Variants in PPP2R1A observed in about 807,000 individuals in gnomAD.
PPP2R1A encodes the protein protein phosphatase 2 scaffold subunit Aalpha, also known as serine/threonine-protein phosphatase 2A 65 kDa regulatory subunit A alpha isoform.
A neutral mutation model predicts 67.1 loss-of-function variants in PPP2R1A; 15 were observed. The ratio of observed to expected loss-of-function variants is 0.22; its 90% CI spans 0.15 to 0.34. The LOEUF is 0.34. Among genes scored for constraint, PPP2R1A ranks in the 10% least tolerant of loss-of-function variants. The probability of loss-of-function intolerance (pLI) is 1.00; values close to 1 mark genes in which losing one functional copy is unlikely to be tolerated. For synonymous variants in PPP2R1A, 337 were observed against 325.0 expected, an observed-to-expected ratio of 1.04 and a Z score of -0.40; for missense variants, 369 against 775.0, an observed-to-expected ratio of 0.48 and a Z score of 6.22.
chr19:52,214,470 T>G (rs1293287252), intron 6 of PPP2R1A, among the ~76,000 whole-genome samples: 1 of 152,160 alleles, frequency 6.6e-6, no homozygotes, highest in South Asian at 2.1e-4. Flanking sequence ...AGAATAAAAA[T>G]TCCATGAGGG....
intron 1 of PPP2R1A, 21 bp from the exon 2 acceptor site, chr19:52,201,923 C>A: frequency 1.2e-6 from 2 of 1,610,114 alleles, no homozygotes; most frequent in Non-Finnish European, 1.7e-6. Flanking sequence ...TTCTCCCCTC[C>A]TCTTCTTGTT....
rs1022747403 is a variant in PPP2R1A, at chr19:52,213,845, A to G, written c.807+735A>G. On this transcript the variant is annotated intron_variant, in intron 6 of 14. Transcript: ENST00000322088. The surrounding 1 kb of genome is among the most constrained non-coding windows in gnomAD (Gnocchi z 4.2). Reference sequence around the variant, plus strand: ...ACCAGCCAGGCAGAAAGGGGACAAGACTCCAGGTCTGTGACTCTCAGGACA... The same window carrying G: ...ACCAGCCAGGCAGAAAGGGGACAAGGCTCCAGGTCTGTGACTCTCAGGACA... Among the ~76,000 whole-genome samples the G allele has an allele frequency of 6.6e-6, 1 of 151,900 alleles. No individual in the cohort carries two copies. The highest frequency in any genetic ancestry group is 2.4e-5 in the African/African-American group (1 of 41,346).
At chr19:52,223,343 A>T (rs980829460) in intron 13 of PPP2R1A, among the ~76,000 whole-genome samples, 3 of 152,264 alleles carry the variant, frequency 2.0e-5, no homozygotes, top group Admixed American at 2.0e-4. Flanking sequence ...GAGTTAGCGT[A>T]GGCACAGATT....
rs1338450910 is a variant in PPP2R1A at position 52,228,076 on chromosome 19, A to C, written c.*2095A>C. The C allele has an allele frequency of 6.6e-6, 1 of 152,242 alleles. No homozygotes were observed. The highest frequency in any genetic ancestry group is 6.5e-5 in the Admixed American group (1 of 15,272). 9.4% of individuals were successfully genotyped at this position (152,242 alleles called of 1,614,324 possible). A position where few individuals can be genotyped will look rare whatever the true frequency, so the allele number is the denominator to read the frequency against. On this transcript the variant is annotated 3_prime_UTR_variant, in exon 15 of 15. Coordinates refer to ENST00000322088, the MANE Select transcript of PPP2R1A (RefSeq NM_014225.6). ...CTCTCTTGAGAGTGAGGTTAATGCT[A>C]CGTGGGTCTAGGGCTGAGGATGTGC...
In PPP2R1A at chr19:52,226,222, A is replaced by G; in HGVS notation, c.*241A>G. ...ACAGTGACCTTGGGAGGAAGGGGCT[A>G]CTCCGCCCACGTCAGGGAGAGATGT... On this transcript the variant is annotated 3_prime_UTR_variant, in exon 15 of 15. Transcript: ENST00000322088. The G allele has an allele frequency of 1.7e-6, 1 of 587,778 alleles. No homozygotes were observed. The highest frequency in any genetic ancestry group is 3.0e-6 in the Non-Finnish European group (1 of 336,216). The allele number at this position is 587,778 out of a possible 1,614,324, so 36.4% of individuals were successfully genotyped here.
At chr19:52,222,949 A>G (rs1410699270) in intron 13 of PPP2R1A, among the ~76,000 whole-genome samples, 1 of 152,260 alleles carries the variant, frequency 6.6e-6, no homozygotes, top group Non-Finnish European at 1.5e-5. Context: ...GATTCAGTAT[A>G]AGCCCAATAA....
chr19:52,194,948 T>G (rs1183479531), intron 1 of PPP2R1A, among the ~76,000 whole-genome samples: 1 of 152,092 alleles, frequency 6.6e-6, no homozygotes, highest in Admixed American at 6.6e-5. Flanking sequence ...GGCTGTTTGT[T>G]TTTTTGGTTA....
chr19:52,192,442 G>T (rs1279927444), intron 1 of PPP2R1A, among the ~76,000 whole-genome samples: 3 of 151,944 alleles, frequency 2.0e-5, no homozygotes, highest in East Asian at 3.9e-4. Context: ...TGAGTAGCTG[G>T]GACTACAGAC....
chr19:52,202,829 C>T (rs913801755), intron 2 of PPP2R1A, among the ~76,000 whole-genome samples: 3 of 152,218 alleles, frequency 2.0e-5, no homozygotes, highest in African/African-American at 7.2e-5. Flanking sequence ...TGTAACCTAA[C>T]ATGAAGACTA....
chr19:52,221,631 A>G (rs550534701), intron 12 of PPP2R1A, among the ~76,000 whole-genome samples: 1 of 152,256 alleles, frequency 6.6e-6, no homozygotes, highest in East Asian at 1.9e-4. Flanking sequence ...GTGAAGATTA[A>G]TCAGGTTATA....
At chr19:52,204,435 G>A (rs1293763674) in intron 2 of PPP2R1A, among the ~76,000 whole-genome samples, 1 of 152,176 alleles carries the variant, frequency 6.6e-6, no homozygotes, top group African/African-American at 2.4e-5. Context: ...AGCTAGTGAT[G>A]ATCAGAGTGA....
chr19:52,212,931 C>T lies in PPP2R1A; in HGVS notation c.652-24C>T, dbSNP rs1364476167. On this transcript the variant is annotated intron_variant, in intron 5 of 14. Transcript: ENST00000322088. The surrounding 1 kb of genome is among the most constrained non-coding windows in gnomAD (Gnocchi z 4.1). ...GCTCAGCAAGGCCTCTGCTGCCCTC[C>T]CACTGTTCCTCTCCTCTCCCTAGGA... 5 of 1,573,978 alleles carry T rather than the reference C, an allele frequency of 3.2e-6. No homozygotes were observed. The African/African-American group carries it at 4.1e-5, about 13-fold the overall frequency.
At chr19:52,221,457 T>G (rs1978923899) in intron 12 of PPP2R1A, among the ~76,000 whole-genome samples, 1 of 152,116 alleles carries the variant, frequency 6.6e-6, no homozygotes, top group Non-Finnish European at 1.5e-5. Context: ...CTGTGGTGCG[T>G]TGGGTGAGTG....
intron 13 of PPP2R1A, among the ~76,000 whole-genome samples, chr19:52,224,603 T>C (rs1250773805): frequency 6.6e-6 from 1 of 152,220 alleles, no homozygotes; most frequent in Non-Finnish European, 1.5e-5. Flanking sequence ...CTGTTCCACT[T>C]TCCCAGCCTG....
chr19:52,206,118 C>A, intron 3 of PPP2R1A, 55 bp downstream of exon 3: 1 of 1,523,418 alleles, frequency 6.6e-7, no homozygotes, highest in South Asian at 1.1e-5. Flanking sequence ...GCCCATGGTC[C>A]TGCCGGCCTA....
chr19:52,200,748 GT>G, intron 1 of PPP2R1A, among the ~76,000 whole-genome samples: 1 of 152,326 alleles, frequency 6.6e-6, no homozygotes, highest in Admixed American at 6.5e-5. Context: ...AATTCCTTGT[GT>G]TCCTGGGCTT....
rs1978599001 is a variant in PPP2R1A at position 52,216,769 on chromosome 19, C to T, written c.1128+106C>T. On this transcript the variant is annotated intron_variant, in intron 9 of 14. Transcript: ENST00000322088. The surrounding 1 kb of genome is among the most constrained non-coding windows in gnomAD (Gnocchi z 4.3). ...GACCAGGAATCTGCTGATATCTCAA[C>T]AGACATCCAGATCTTTGCTGAGTTG... 1 of 1,514,540 alleles carries T rather than the reference C, an allele frequency of 6.6e-7. No homozygotes were observed. The highest frequency in any genetic ancestry group is 1.2e-5 in the South Asian group (1 of 83,610). The allele number at this position is 1,514,540 out of a possible 1,614,324, so 93.8% of individuals were successfully genotyped here. A position where few individuals can be genotyped will look rare whatever the true frequency, so the allele number is the denominator to read the frequency against.
chr19:52,222,221 A>T lies in PPP2R1A; in HGVS notation c.1641A>T (p.Ile547=). 3 of 1,614,088 alleles carry T rather than the reference A, an allele frequency of 1.9e-6. No homozygotes were observed. Among genetic ancestry groups the T allele is most frequent in the Non-Finnish European group, 2.5e-6 (3 of 1,179,976 alleles). ...RFNVAKSLQK[I]GPILDNSTLQ... ...ATGTGGCCAAGTCTCTGCAGAAGAT[A>T]GGGCCCATCCTGGACAACAGGTGAG... is the stretch of plus-strand genomic sequence containing the variant. The change falls in exon 13 of 15, where the codon ATA becomes ATT. Residue 547 remains isoleucine (I), a synonymous_variant. Transcript: ENST00000322088.
At chr19:52,218,501 C>T (rs548899836) in intron 9 of PPP2R1A, among the ~76,000 whole-genome samples, 76 of 152,116 alleles carry the variant, frequency 5.0e-4, no homozygotes, top group African/African-American at 1.6e-3. Context: ...CAGTTAATTA[C>T]GTCAGTTGCT....
Sources: allele counts gnomAD v4.1 joint callset (sites outside exome capture counted in the v4.1 genomes callset), GRCh38; gene constraint gnomAD v4.1.1; non-coding constraint Gnocchi (gnomAD v3.1); transcripts MANE v1.5; gene names NCBI Gene and HGNC (gene_info 2026-07-23, HGNC 2026-07-21).